The following UGT2A1 variants were observed in gnomAD, a reference collection of about 807,000 sequenced individuals.
The protein encoded by UGT2A1 is UDP-glucuronosyltransferase 2A1.
A neutral mutation model predicts 45.4 loss-of-function variants in UGT2A1; 61 were observed. The observed-to-expected ratio is 1.34, with a 90% CI of 1.09 to 1.66. The LOEUF (loss-of-function observed/expected upper bound fraction) is 1.66. UGT2A1 is among the 40% of genes most tolerant of loss of function. UGT2A1 has a pLI of 0.00. For missense variants in UGT2A1, 649 were observed against 574.3 expected (o/e 1.13, Z -1.33); for synonymous variants, 229 against 196.2 (o/e 1.17, Z -1.40).
intron 4 of UGT2A1, among the ~76,000 whole-genome samples, chr4:69,597,343 T>G (rs975320124): frequency 1.3e-5 from 2 of 152,186 alleles, no homozygotes; most frequent in Non-Finnish European, 2.9e-5. Flanking sequence ...CTATGTGCCC[T>G]TAATTTGAGC....
chr4:69,649,651 T>A (rs1722433182), intron 1 of UGT2A1, among the ~76,000 whole-genome samples: 1 of 152,108 alleles, frequency 6.6e-6, no homozygotes, highest in Admixed American at 6.6e-5. Flanking sequence ...AGGTCGACCC[T>A]AAAACACCCT....
At chr4:69,606,157 C>T (rs187628479) in intron 3 of UGT2A1, among the ~76,000 whole-genome samples, 24,578 of 135,172 alleles carry the variant, frequency 0.18, 5,851 homozygotes, top group Non-Finnish European at 0.22. Context: ...TGATGAACAT[C>T]GAGGCAAAAA....
rs1225190794 is a variant in UGT2A1 at position 69,647,107 on chromosome 4, C to T, written c.538G>A (p.Glu180Lys). The change falls in exon 2 of 7, where the codon GAA (glutamate) becomes AAA (lysine). Residue 180 changes from glutamate to lysine, a missense_variant. Transcript: ENST00000286604. The part of the protein sequence containing the change: ...SLRFSPASTV[E>K]KHCGKVPYPP... Reference sequence around the variant, plus strand: ...TATGGTACCTTCCCACAGTGCTTTTCCACTGTTGAGGCTGGAGAAAACCTC... The same window carrying T: ...TATGGTACCTTCCCACAGTGCTTTTTCACTGTTGAGGCTGGAGAAAACCTC... 4 of 1,612,818 alleles carry T rather than the reference C, an allele frequency of 2.5e-6. No individual in the cohort carries two copies. The highest frequency in any genetic ancestry group is 1.7e-4 in the Middle Eastern group (1 of 6,050).
chr4:69,593,035 A>G (rs1317726302), intron 6 of UGT2A1, among the ~76,000 whole-genome samples: 2 of 152,182 alleles, frequency 1.3e-5, no homozygotes, highest in African/African-American at 4.8e-5. Flanking sequence ...AGCACAATTT[A>G]AACTGGAAGG....
chr4:69,604,997 C>T lies in UGT2A1; in HGVS notation c.848-5603G>A, dbSNP rs575578995. On this transcript the variant is annotated intron_variant, in intron 3 of 6. Coordinates refer to ENST00000286604, the MANE Select transcript of UGT2A1 (RefSeq NM_001252275.3). ...AGAGACTTTGACACCCCACTGTCAA[C>T]GTTAGACAGATCAATGAGACAGAAA... 8.1e-5 allele frequency among the ~76,000 whole-genome samples: 11 copies of T among 136,096 alleles called. 3 individuals carry two copies. Among genetic ancestry groups the T allele is most frequent in the Admixed American group, 3.6e-4 (5 of 13,768 alleles). 89.3% of individuals were successfully genotyped at this position (136,096 alleles called of 152,430 possible). A position where few individuals can be genotyped will look rare whatever the true frequency, so the allele number is the denominator to read the frequency against.
At chr4:69,614,791 A>G (rs1236560302) in intron 3 of UGT2A1, among the ~76,000 whole-genome samples, 1 of 152,036 alleles carries the variant, frequency 6.6e-6, no homozygotes, top group Non-Finnish European at 1.5e-5. Flanking sequence ...ACCTCTGAGT[A>G]GTCTGTTCTC....
chr4:69,637,710 T>G (rs548340318), intron 2 of UGT2A1, among the ~76,000 whole-genome samples: 15 of 152,220 alleles, frequency 9.9e-5, no homozygotes, highest in African/African-American at 3.6e-4. Context: ...ATATTTATTT[T>G]ATTTATTGGT....
chr4:69,598,753 C>A (rs1719080737), intron 4 of UGT2A1, among the ~76,000 whole-genome samples: 2 of 151,950 alleles, frequency 1.3e-5, no homozygotes, highest in Admixed American at 1.3e-4. Flanking sequence ...GATGGCACAA[C>A]TGTCTAATAA....
intron 3 of UGT2A1, among the ~76,000 whole-genome samples, chr4:69,607,514 G>C (rs1284128581): frequency 6.6e-6 from 1 of 151,702 alleles, no homozygotes; most frequent in Non-Finnish European, 1.5e-5. Flanking sequence ...CATGGGCAAG[G>C]ACTTCATGTC....
chr4:69,590,526 G>A lies in UGT2A1; in HGVS notation c.1305-875C>T, dbSNP rs141354851. Among the ~76,000 whole-genome samples the A allele has an allele frequency of 4.4e-3, 666 of 152,196 alleles. 7 individuals are homozygous for A. The highest frequency in any genetic ancestry group is 0.015 in the African/African-American group (610 of 41,530). On this transcript the variant is annotated intron_variant, in intron 6 of 6. Transcript: ENST00000286604. ...GAAGGTAAATGGTTTGTGCAGAGAT[G>A]TCCCGGTGTTGGCAGGACATTGTTA... is the stretch of plus-strand genomic sequence containing the variant.
intron 3 of UGT2A1, among the ~76,000 whole-genome samples, chr4:69,613,100 A>C (rs1484564896): frequency 6.6e-6 from 1 of 152,042 alleles, no homozygotes; most frequent in Non-Finnish European, 1.5e-5. Flanking sequence ...ACAAAAGAAG[A>C]CATACAATCA....
chr4:69,599,200 T>A lies in UGT2A1; in HGVS notation c.996+46A>T, dbSNP rs567956722. ...CTATAAACTTTAAAAGAAAATTAAG[T>A]ATTTTATTATGAAGAGCATAAAATC... On this transcript the variant is annotated intron_variant, in intron 4 of 6. Coordinates refer to ENST00000286604, the MANE Select transcript of UGT2A1 (RefSeq NM_001252275.3). The A allele has an allele frequency of 8.4e-6, 13 of 1,551,544 alleles. No individual in the cohort carries two copies. In the South Asian group the frequency reaches 1.6e-4, roughly 19 times the overall value.
intron 4 of UGT2A1, chr4:69,596,397 A>G: frequency 6.5e-7 from 1 of 1,549,130 alleles, no homozygotes; most frequent in Non-Finnish European, 8.7e-7. Context: ...TACATAATAT[A>G]TTTTCTATTA....
chr4:69,641,886 T>C (rs1722064842), intron 2 of UGT2A1, among the ~76,000 whole-genome samples: 1 of 151,760 alleles, frequency 6.6e-6, no homozygotes, highest in Non-Finnish European at 1.5e-5. Flanking sequence ...TATGATATTT[T>C]AGGGAGAGAA....
chr4:69,597,016 TCATA>T (rs1391977363), intron 4 of UGT2A1, among the ~76,000 whole-genome samples: 1 of 152,166 alleles, frequency 6.6e-6, no homozygotes, highest in African/African-American at 2.4e-5. Flanking sequence ...GTTTGCAAAC[TCATA>T]AAAACAGTTT....
chr4:69,625,367 T>G (rs1017195700), intron 3 of UGT2A1, among the ~76,000 whole-genome samples: 2 of 151,256 alleles, frequency 1.3e-5, no homozygotes, highest in African/African-American at 2.4e-5. Context: ...TTTATTTTAA[T>G]ATTTTTTTCT....
Position 69,647,790 on chromosome 4 carries a change from C to G in UGT2A1, c.-54-92G>C, listed in dbSNP as rs978967968. On this transcript the variant is annotated intron_variant, in intron 1 of 6. Transcript: ENST00000286604. ...AAAGCCTTCTTTCTAGAAAGTGATACTAGTCATAGTAGCTCCATATTTTAG... is the reference window on the plus strand; with the variant it reads ...AAAGCCTTCTTTCTAGAAAGTGATAGTAGTCATAGTAGCTCCATATTTTAG... 9.8e-5 allele frequency: 56 copies of G among 569,084 alleles called. 1 individual carries two copies. The highest frequency in any genetic ancestry group is 8.2e-4 in the Admixed American group (23 of 27,898). 35.3% of individuals were successfully genotyped at this position (569,084 alleles called of 1,614,324 possible). A position where few individuals can be genotyped will look rare whatever the true frequency, so the allele number is the denominator to read the frequency against.
At chr4:69,593,967 C>CTTTTTTTTTTTTTTTT (rs200066453) in intron 6 of UGT2A1, among the ~76,000 whole-genome samples, 2 of 107,818 alleles carry the variant, frequency 1.9e-5, no homozygotes, top group African/African-American at 7.0e-5. Context: ...TATTTGAAGT[C>CTTTTTTTTTTTTTTTT]TTTTTTTTTG....
chr4:69,639,300 C>G, intron 2 of UGT2A1: 1 of 1,613,634 alleles, frequency 6.2e-7, no homozygotes, highest in South Asian at 1.1e-5. Context: ...GTAGAAAGCC[C>G]ATATTGTGAG....
Sources: allele counts gnomAD v4.1 joint callset (sites outside exome capture counted in the v4.1 genomes callset), GRCh38; gene constraint gnomAD v4.1.1; transcripts MANE v1.5; gene names NCBI Gene and HGNC (gene_info 2026-07-23, HGNC 2026-07-21).